TTI1: variants seen among roughly 807,000 people sequenced by gnomAD.
The protein encoded by TTI1 is TELO2 interacting protein 1, also known as TELO2-interacting protein 1 homolog.
A neutral mutation model predicts 85.4 loss-of-function variants in TTI1; 52 were observed. The ratio of observed to expected loss-of-function variants is 0.61; its 90% CI spans 0.49 to 0.77. The LOEUF is 0.77. TTI1 is among the 30% of genes least tolerant of loss of function. The pLI is 0.00. For synonymous variants in TTI1, 512 were observed against 503.9 expected, an observed-to-expected ratio of 1.02 and a Z score of -0.22; for missense variants, 1,173 against 1,296.0, an observed-to-expected ratio of 0.91 and a Z score of 1.46.
intron 7 of TTI1, among the ~76,000 whole-genome samples, chr20:37,992,866 G>T (rs2073284231): frequency 6.6e-6 from 1 of 152,176 alleles, no homozygotes; most frequent in Non-Finnish European, 1.5e-5. Context: ...AACTGTGAAG[G>T]CCCAGGGCAT....
intron 7 of TTI1, among the ~76,000 whole-genome samples, 167 bp downstream of exon 7, chr20:37,996,208 A>G (rs1379838218): frequency 1.1e-4 from 16 of 152,216 alleles, no homozygotes; most frequent in Admixed American, 1.0e-3. Flanking sequence ...AAAGAGAAAC[A>G]CATCTAGTAA....
At chr20:38,028,159 C>G (rs2073859704) in intron 1 of TTI1, among the ~76,000 whole-genome samples, 1 of 151,936 alleles carries the variant, frequency 6.6e-6, no homozygotes, top group Non-Finnish European at 1.5e-5. Flanking sequence ...GAGACGGAAC[C>G]CATGAATATA....
chr20:37,992,204 G>A (rs2073274176), intron 7 of TTI1, among the ~76,000 whole-genome samples: 1 of 152,182 alleles, frequency 6.6e-6, no homozygotes, highest in African/African-American at 2.4e-5. Flanking sequence ...GTGGGAGTAG[G>A]ACTGGGGGTG....
rs2073591732 is a variant in TTI1, at chr20:38,011,674, T to G, written c.2143A>C (p.Thr715Pro). Residue 715 changes from threonine to proline, a missense_variant, in exon 2 of 8, where the codon ACC becomes CCC. By Grantham distance (38) the Thr-to-Pro change is conservative. Coordinates refer to ENST00000373447, the MANE Select transcript of TTI1 (RefSeq NM_001303457.2). ...AGCATGACTTCCAGGACCTTTGGGG[T>G]ATGAGGATGCAGAGCCAGATGACGC... ...NLRHLALHPH[T>P]PKVLEVMLRN... 2 of 1,614,012 alleles carry G rather than the reference T, an allele frequency of 1.2e-6. No homozygotes were observed. The highest frequency in any genetic ancestry group is 1.7e-6 in the Non-Finnish European group (2 of 1,180,006).
chr20:38,020,270 C>T (rs2073743274), intron 1 of TTI1, among the ~76,000 whole-genome samples: 1 of 131,330 alleles, frequency 7.6e-6, no homozygotes, highest in Admixed American at 8.4e-5. Context: ...AAAGAATGGC[C>T]TTTTCAATTA....
chr20:37,996,419 G>A lies in TTI1; in HGVS notation c.3042C>T (p.Tyr1014=), dbSNP rs755764274. 6.2e-7 allele frequency: 1 copy of A among 1,614,060 alleles called. No homozygotes were observed. The highest frequency in any genetic ancestry group is 1.1e-5 in the South Asian group (1 of 91,082). Residue 1014 remains tyrosine, a synonymous_variant, in exon 7 of 8, where the codon TAC becomes TAT. Coordinates refer to ENST00000373447, the MANE Select transcript of TTI1 (RefSeq NM_001303457.2). ...ATTTCACGGGCTGTTTGACACTGAG[G>A]TAAATCAAGCAGGCATCAGCCACTT... ...LNKVADACLI[Y]LSVKQPVKLQ...
At chr20:38,003,861 CTT>C (rs1216722717) in intron 3 of TTI1, among the ~76,000 whole-genome samples, 2 of 152,002 alleles carry the variant, frequency 1.3e-5, no homozygotes, top group African/African-American at 4.8e-5. Flanking sequence ...TTTGTCTCCT[CTT>C]GATTCATCCT....
intron 1 of TTI1, among the ~76,000 whole-genome samples, chr20:38,029,113 C>T (rs1477001562): frequency 6.6e-6 from 1 of 152,062 alleles, no homozygotes; most frequent in African/African-American, 2.4e-5. Flanking sequence ...TGACATTCCC[C>T]AGCCACAATG....
chr20:38,007,494 A>G (rs2073518754), intron 2 of TTI1, among the ~76,000 whole-genome samples: 1 of 152,180 alleles, frequency 6.6e-6, no homozygotes, highest in African/African-American at 2.4e-5. Flanking sequence ...CAGGGTCTCT[A>G]TTCCTTCAAA....
chr20:38,011,727 T>G lies in TTI1; in HGVS notation c.2090A>C (p.Tyr697Ser). 1 of 1,614,148 alleles carries G rather than the reference T, an allele frequency of 6.2e-7. No homozygotes were observed. The highest frequency in any genetic ancestry group is 8.5e-7 in the Non-Finnish European group (1 of 1,180,036). Residue 697 changes from tyrosine (Y) to serine (S), a missense_variant, in exon 2 of 8, where the codon TAT (tyrosine) becomes TCT (serine). By Grantham distance (144) the Tyr-to-Ser change is moderately radical. Transcript: ENST00000373447. ...LQHLINQNSD[Y>S]LVNGISLNLR... is the part of the protein sequence containing the mutation. ...ATTTAAAGAGATCCCATTCACTAAA[T>G]AGTCTGAATTTTGATTGATCAGGTG... is the stretch of plus-strand genomic sequence containing the variant.
intron 1 of TTI1, among the ~76,000 whole-genome samples, chr20:38,021,778 T>C (rs1600651869): frequency 1.3e-5 from 2 of 152,124 alleles, no homozygotes; most frequent in East Asian, 1.9e-4. Context: ...CCCTCCCCTC[T>C]ACCTAACTTG....
chr20:37,984,979 C>T (rs772429706), intron 7 of TTI1, among the ~76,000 whole-genome samples: 20 of 152,180 alleles, frequency 1.3e-4, no homozygotes, highest in Admixed American at 1.0e-3. Flanking sequence ...TGACTTTAGA[C>T]GACAACCCTC....
chr20:37,996,279 G>C, intron 7 of TTI1, 96 bp downstream of exon 7: 1 of 1,294,312 alleles, frequency 7.7e-7, no homozygotes, highest in Non-Finnish European at 1.1e-6. Context: ...GGGTGACAGA[G>C]AAAAGAGCAG....
intron 1 of TTI1, among the ~76,000 whole-genome samples, chr20:38,031,311 T>C (rs1192722592): frequency 6.6e-6 from 1 of 152,248 alleles, no homozygotes; most frequent in Non-Finnish European, 1.5e-5. Context: ...CTTCGTACTT[T>C]TCTGAACTAA....
At chr20:37,996,046 C>A (rs2073333357) in intron 7 of TTI1, among the ~76,000 whole-genome samples, 2 of 152,212 alleles carry the variant, frequency 1.3e-5, no homozygotes, top group Non-Finnish European at 2.9e-5. Context: ...GAAGCCAAGG[C>A]ATGAAGAAGT....
At chr20:38,016,034 T>C (rs1010574745) in intron 1 of TTI1, among the ~76,000 whole-genome samples, 3 of 152,250 alleles carry the variant, frequency 2.0e-5, no homozygotes, top group African/African-American at 7.2e-5. Flanking sequence ...GAGGAGGAAA[T>C]GACAAATAAC....
At chr20:38,031,537 T>A (rs1416613725) in intron 1 of TTI1, among the ~76,000 whole-genome samples, 2 of 152,202 alleles carry the variant, frequency 1.3e-5, no homozygotes, top group Non-Finnish European at 2.9e-5. Flanking sequence ...ATCCTCCTTA[T>A]CTCCTTGATT....
chr20:38,020,321 A>ATATATATATATATATAT (rs1443587921), intron 1 of TTI1, among the ~76,000 whole-genome samples: 141 of 42,562 alleles, frequency 3.3e-3, no homozygotes, highest in African/African-American at 9.4e-3. Context: ...AAAAAAAAAA[A>ATATATATATATATATAT]AAATATATAT....
chr20:37,997,267 A>G (rs1484162069), intron 5 of TTI1, among the ~76,000 whole-genome samples: 1 of 150,764 alleles, frequency 6.6e-6, no homozygotes, highest in East Asian at 1.9e-4. Flanking sequence ...AAAAAAAAAG[A>G]GAAGAGCTTA....
Sources: allele counts gnomAD v4.1 joint callset (sites outside exome capture counted in the v4.1 genomes callset), GRCh38; gene constraint gnomAD v4.1.1; transcripts MANE v1.5; gene names NCBI Gene and HGNC (gene_info 2026-07-23, HGNC 2026-07-21).